The following KLHL1 variants were observed in gnomAD, a reference collection of about 807,000 sequenced individuals.
KLHL1 encodes the protein kelch like family member 1, also known as kelch-like protein 1.
A neutral mutation model predicts 77.7 loss-of-function variants in KLHL1; 47 were observed. That is an observed-to-expected ratio of 0.60 (90% confidence interval 0.48 to 0.77). KLHL1 has a LOEUF of 0.77. Among genes scored for constraint, KLHL1 ranks in the 30% least tolerant of loss-of-function variants. KLHL1 has a pLI of 0.00. For synonymous variants in KLHL1, 360 were observed against 325.2 expected (o/e 1.11, Z -1.15); for missense variants, 925 against 910.8 (o/e 1.02, Z -0.20).
intron 4 of KLHL1, among the ~76,000 whole-genome samples, chr13:69,883,059 T>A (rs949527112): frequency 6.6e-6 from 1 of 152,126 alleles, no homozygotes; most frequent in African/African-American, 2.4e-5. Context: ...TCCCATTTAT[T>A]TTCTTATTAC....
At chr13:69,706,272 T>C (rs946968955) in intron 10 of KLHL1, among the ~76,000 whole-genome samples, 5 of 151,850 alleles carry the variant, frequency 3.3e-5, no homozygotes, top group African/African-American at 1.2e-4. Context: ...CTACTCCTTC[T>C]TTTTACTTAC....
chr13:69,847,295 A>C (rs1449482346), intron 5 of KLHL1, among the ~76,000 whole-genome samples: 1 of 151,430 alleles, frequency 6.6e-6, no homozygotes, highest in East Asian at 1.9e-4. Context: ...CTAAAATATC[A>C]TTTAAGAAAT....
chr13:69,945,964 T>C (rs911963704), intron 3 of KLHL1, among the ~76,000 whole-genome samples: 4 of 152,182 alleles, frequency 2.6e-5, no homozygotes, highest in Non-Finnish European at 4.4e-5. Flanking sequence ...AATTAGAGTA[T>C]GCTTATTCAA....
intron 1 of KLHL1, among the ~76,000 whole-genome samples, chr13:69,989,851 G>A (rs1460672720): frequency 6.6e-6 from 1 of 151,888 alleles, no homozygotes; most frequent in Non-Finnish European, 1.5e-5. Flanking sequence ...TCAGCTCAAG[G>A]AACTTTGAGG....
At chr13:69,759,105 A>G (rs12585046) in intron 7 of KLHL1, among the ~76,000 whole-genome samples, 34,210 of 151,844 alleles carry the variant, frequency 0.23, 4,000 homozygotes, top group South Asian at 0.31. Flanking sequence ...GCAGGGAGGC[A>G]AATCTGGGCC....
chr13:70,066,916 G>A (rs749027861), intron 1 of KLHL1, among the ~76,000 whole-genome samples: 12 of 152,016 alleles, frequency 7.9e-5, no homozygotes, highest in African/African-American at 1.7e-4. Flanking sequence ...AGACATATTC[G>A]CTTATTCATA....
chr13:70,092,722 G>C (rs1887697906), intron 1 of KLHL1, among the ~76,000 whole-genome samples: 1 of 152,082 alleles, frequency 6.6e-6, no homozygotes, highest in African/African-American at 2.4e-5. Flanking sequence ...TAAAAACAAA[G>C]AGAAATTGCT....
chr13:69,949,443 C>T (rs760536798), intron 3 of KLHL1, among the ~76,000 whole-genome samples: 9 of 151,702 alleles, frequency 5.9e-5, no homozygotes, highest in Non-Finnish European at 1.3e-4. Flanking sequence ...TGTCTCATCC[C>T]ATGCTATTTA....
At chr13:69,814,397 A>G (rs540438662) in intron 6 of KLHL1, among the ~76,000 whole-genome samples, 4 of 152,162 alleles carry the variant, frequency 2.6e-5, no homozygotes, top group Non-Finnish European at 5.9e-5. Flanking sequence ...AAAATTGACT[A>G]TTGAGAGGTA....
In KLHL1 at chr13:69,975,771, G is replaced by C. The variant is rs765671676; in HGVS notation, c.529C>G (p.Gln177Glu). Residue 177 changes from glutamine (Q) to glutamate (E), a missense_variant, in exon 2 of 11, where the codon CAA becomes GAA. Gln to Glu is a conservative substitution (Grantham distance 29). Coordinates refer to ENST00000377844, the MANE Select transcript of KLHL1 (RefSeq NM_020866.3). ...LSSTGHSMTP[Q>E]SDLDSSSSEE... ...GAGCTACTGGAGTCCAAATCACTTTGAGGTGTCATTGAATGGCCGGTTGAT... is the reference window on the plus strand; with the variant it reads ...GAGCTACTGGAGTCCAAATCACTTTCAGGTGTCATTGAATGGCCGGTTGAT... 1.7e-5 allele frequency: 27 copies of C among 1,610,868 alleles called. No individual in the cohort carries two copies. Among genetic ancestry groups the C allele is most frequent in the Admixed American group, 3.4e-5 (2 of 59,000 alleles).
chr13:69,894,811 T>G (rs1458479026), intron 4 of KLHL1: 1 of 233,066 alleles, frequency 4.3e-6, no homozygotes, highest in African/African-American at 2.3e-5. Flanking sequence ...TTTCTGGGAT[T>G]TGGTTGGCCA....
At chr13:69,998,103 C>T (rs1022185018) in intron 1 of KLHL1, among the ~76,000 whole-genome samples, 2 of 152,014 alleles carry the variant, frequency 1.3e-5, no homozygotes, top group African/African-American at 2.4e-5. Flanking sequence ...TTACTGAAGA[C>T]ATTGCATGTA....
intron 5 of KLHL1, among the ~76,000 whole-genome samples, chr13:69,847,796 C>G (rs1414234704): frequency 2.0e-5 from 3 of 151,460 alleles, no homozygotes; most frequent in Non-Finnish European, 4.4e-5. Context: ...TTAGAAGTGA[C>G]AGTCCTTAGA....
Position 69,978,571 on chromosome 13 carries a change from C to T in KLHL1, c.498-2769G>A, listed in dbSNP as rs542265609. 1.7e-3 allele frequency among the ~76,000 whole-genome samples: 261 copies of T among 151,334 alleles called. 2 individuals carry two copies. The highest frequency in any genetic ancestry group is 6.2e-3 in the African/African-American group (254 of 41,268). On this transcript the variant is annotated intron_variant, in intron 1 of 10. Coordinates refer to ENST00000377844, the MANE Select transcript of KLHL1 (RefSeq NM_020866.3). ...GCACGATCTTGGCTCACTGCAACCT[C>T]TGCCCCCCGGGTTCAAGTGATTCTC...
chr13:70,030,004 T>C (rs1307609716), intron 1 of KLHL1, among the ~76,000 whole-genome samples: 1 of 152,140 alleles, frequency 6.6e-6, no homozygotes, highest in African/African-American at 2.4e-5. Flanking sequence ...AGAAGTCCAT[T>C]ACATAATGGT....
Position 69,707,608 on chromosome 13 carries a change from G to T in KLHL1, c.2187+17C>A. ...AATTCTTATCCTTGAAGTGAATTATGCTGATGACAATCTTACCTGTGTCCA... is the reference window on the plus strand; with the variant it reads ...AATTCTTATCCTTGAAGTGAATTATTCTGATGACAATCTTACCTGTGTCCA... On this transcript the variant is annotated intron_variant, in intron 10 of 10. Transcript: ENST00000377844. 3.1e-6 allele frequency: 5 copies of T among 1,603,328 alleles called. No homozygotes were observed. Among genetic ancestry groups the T allele is most frequent in the Non-Finnish European group, 4.3e-6 (5 of 1,172,782 alleles).
At chr13:70,069,299 AC>A (rs1298018558) in intron 1 of KLHL1, among the ~76,000 whole-genome samples, 1 of 152,252 alleles carries the variant, frequency 6.6e-6, no homozygotes, top group Non-Finnish European at 1.5e-5. Context: ...AATAGGTCAG[AC>A]AAAAACAGGG....
chr13:70,040,347 C>A (rs916544145), intron 1 of KLHL1, among the ~76,000 whole-genome samples: 2 of 152,120 alleles, frequency 1.3e-5, no homozygotes, highest in African/African-American at 4.8e-5. Context: ...AACTACCTAT[C>A]GGGCACTATG....
chr13:69,999,057 G>A (rs1418118529), intron 1 of KLHL1, among the ~76,000 whole-genome samples: 2 of 151,898 alleles, frequency 1.3e-5, no homozygotes, highest in Non-Finnish European at 2.9e-5. Context: ...CATCAAGTAA[G>A]CACAGAGGAT....
Sources: allele counts gnomAD v4.1 joint callset (sites outside exome capture counted in the v4.1 genomes callset), GRCh38; gene constraint gnomAD v4.1.1; transcripts MANE v1.5; gene names NCBI Gene and HGNC (gene_info 2026-07-23, HGNC 2026-07-21).